Variants in FLT3 observed in about 807,000 individuals in gnomAD.
FLT3 encodes fms related receptor tyrosine kinase 3.
FLT3 carries 46 observed loss-of-function variants against 126.6 expected under a neutral mutation model. The observed-to-expected ratio is 0.36, with a 90% CI of 0.29 to 0.46. The LOEUF (loss-of-function observed/expected upper bound fraction) is 0.46, where lower values mean the gene tolerates loss of function less well. Among genes scored for constraint, FLT3 ranks in the 20% least tolerant of loss-of-function variants. The pLI, the probability that FLT3 is intolerant of heterozygous loss-of-function variation, is 1.00. For synonymous variants in FLT3, 404 were observed against 434.4 expected, an observed-to-expected ratio of 0.93 and a Z score of 0.87; for missense variants, 1,069 against 1,190.3, an observed-to-expected ratio of 0.90 and a Z score of 1.50.
intron 1 of FLT3, among the ~76,000 whole-genome samples, chr13:28,096,747 T>G (rs1879480629): frequency 1.3e-5 from 2 of 152,188 alleles, no homozygotes; most frequent in Admixed American, 6.5e-5. Flanking sequence ...CATGCAATTT[T>G]TAATGTATAT....
intron 10 of FLT3, among the ~76,000 whole-genome samples, chr13:28,036,486 C>G (rs556710317): frequency 6.6e-6 from 1 of 152,280 alleles, no homozygotes; most frequent in African/African-American, 2.4e-5. Context: ...TTCTTAGCTT[C>G]AGGAGAAGTT....
At chr13:28,071,270 A>T (rs1289475574) in intron 1 of FLT3, among the ~76,000 whole-genome samples, 1 of 151,326 alleles carries the variant, frequency 6.6e-6, no homozygotes, top group African/African-American at 2.4e-5. Context: ...TCTGCCTCCC[A>T]AAGTGCTGGG....
Position 28,004,114 on chromosome 13 carries a change from G to A in FLT3, c.2920C>T (p.Pro974Ser), listed in dbSNP as rs2137578219. Residue 974 changes from proline (P) to serine (S), a missense_variant, in exon 24 of 24, where the codon CCT (proline) becomes TCT (serine). Physicochemically the swap from Pro to Ser is moderately conservative, Grantham distance 74 (BLOSUM62 -1). Transcript: ENST00000241453. ...ECPHTYQNRR[P>S]FSREMDLGLL... ...CCCAAATCCATCTCTCTGCTGAAAG[G>A]TCGCCTGTTTTGGTAGGTGTGAGGA... is the stretch of plus-strand genomic sequence containing the variant. The A allele has an allele frequency of 2.5e-6, 4 of 1,614,086 alleles. No homozygotes were observed. Among genetic ancestry groups the A allele is most frequent in the Non-Finnish European group, 3.4e-6 (4 of 1,180,022 alleles).
At chr13:28,063,058 A>G (rs572870182) in intron 2 of FLT3, among the ~76,000 whole-genome samples, 49 of 86,524 alleles carry the variant, frequency 5.7e-4, no homozygotes, top group African/African-American at 1.6e-3. Context: ...TTGTTGGTAT[A>G]TAGATAAAAA....
chr13:28,014,254 G>A (rs1276264114), intron 23 of FLT3, among the ~76,000 whole-genome samples, 198 bp downstream of exon 23: 1 of 152,074 alleles, frequency 6.6e-6, no homozygotes, highest in Non-Finnish European at 1.5e-5. Flanking sequence ...CTGGGCCACA[G>A]AGCGAGACCC....
In FLT3 at chr13:28,061,944, G is replaced by A; in HGVS notation, c.291C>T (p.Ala97=). Residue 97 remains alanine (A), a synonymous_variant, in exon 3 of 24, where the codon GCC becomes GCT. Coordinates refer to ENST00000241453, the MANE Select transcript of FLT3 (RefSeq NM_004119.3). The part of the protein sequence containing the change: ...ASITLQVLVD[A]PGNISCLWVF... ...CCCAGAGACAGGAAATGTTCCCTGG[G>A]GCGTCGACCAGCACTTGCAGTGTGA... The A allele has an allele frequency of 6.2e-7, 1 of 1,613,898 alleles. No homozygotes were observed. The highest frequency in any genetic ancestry group is 8.5e-7 in the Non-Finnish European group (1 of 1,179,880).
intron 1 of FLT3, among the ~76,000 whole-genome samples, chr13:28,084,352 T>G (rs9507998): frequency 0.7 from 106,221 of 151,770 alleles, 39,452 homozygotes; most frequent in Non-Finnish European, 0.81. Flanking sequence ...TGTCCTGCAG[T>G]TATTAATTTT....
At chr13:28,084,167 T>A (rs1878503847) in intron 1 of FLT3, among the ~76,000 whole-genome samples, 1 of 151,950 alleles carries the variant, frequency 6.6e-6, no homozygotes, top group South Asian at 2.1e-4. Flanking sequence ...AATTTTTTTT[T>A]ATTTTTTGGG....
At chr13:28,026,070 G>A (rs1872771921) in intron 17 of FLT3, among the ~76,000 whole-genome samples, 1 of 152,142 alleles carries the variant, frequency 6.6e-6, no homozygotes, top group Admixed American at 6.5e-5. Flanking sequence ...CCAAGGCTCA[G>A]CCAGGTGCGG....
chr13:28,009,812 T>G (rs942497353), intron 23 of FLT3, among the ~76,000 whole-genome samples: 4 of 152,160 alleles, frequency 2.6e-5, no homozygotes, highest in African/African-American at 9.7e-5. Flanking sequence ...TGTTTGTGCC[T>G]CAGCCTCCCA....
Position 28,015,627 on chromosome 13 carries a change from C to T in FLT3, c.2616G>A (p.Trp872Ter). 1.2e-6 allele frequency: 2 copies of T among 1,613,054 alleles called. No homozygotes were observed. Among genetic ancestry groups the T allele is most frequent in the Non-Finnish European group, 1.7e-6 (2 of 1,179,370 alleles). The change falls in exon 21 of 24, where the codon TGG becomes TGA. Residue 872 changes from tryptophan to a stop codon, truncating the protein, a stop_gained. Transcript: ENST00000241453. LOFTEE classifies it high-confidence loss of function. Reference protein sequence around the residue: ...EGIYTIKSDVWSYGILLWEIF... With the variant: ...EGIYTIKSDV The stretch of plus-strand genomic sequence containing the variant: ...TTTCCCACAGTAATATTCCATATGA[C>T]CAGACATCACTCTTAATGGTGTAGA...
chr13:28,072,400 TC>T (rs1877599154), intron 1 of FLT3, among the ~76,000 whole-genome samples: 2 of 151,980 alleles, frequency 1.3e-5, no homozygotes, highest in Admixed American at 1.3e-4. Flanking sequence ...TCTCTCTCTC[TC>T]TTTTTTTTAA....
chr13:28,024,223 T>C (rs1387375242), intron 18 of FLT3, among the ~76,000 whole-genome samples: 4 of 151,406 alleles, frequency 2.6e-5, no homozygotes, highest in Admixed American at 6.6e-5. Context: ...CCTCTGCCTC[T>C]TGGGTTCAAG....
At chr13:28,017,324 G>C (rs987225799) in intron 20 of FLT3, among the ~76,000 whole-genome samples, 27 of 151,982 alleles carry the variant, frequency 1.8e-4, no homozygotes, top group African/African-American at 6.3e-4. Context: ...CTGGGCTCAA[G>C]TGATCCTCCC....
intron 9 of FLT3, among the ~76,000 whole-genome samples, chr13:28,043,235 G>A (rs1308062465): frequency 2.0e-5 from 3 of 151,776 alleles, no homozygotes; most frequent in Non-Finnish European, 2.9e-5. Context: ...GGTAGATTTG[G>A]AATTTGTAAT....
intron 15 of FLT3, among the ~76,000 whole-genome samples, chr13:28,032,428 G>T (rs1873425597): frequency 6.6e-6 from 1 of 152,112 alleles, no homozygotes. Context: ...TGGGCAACAT[G>T]GCGAAGCCCC....
rs1039975221 is a variant in FLT3, at chr13:28,018,647, A to G, written c.2419-58T>C. On this transcript the variant is annotated intron_variant, in intron 19 of 23. Transcript: ENST00000241453. ...GTGATGTGTATTATCCTGGAGTGCA[A>G]TCTTTCTTCTAGACTCAACTTCAGT... 2.4e-5 allele frequency: 38 copies of G among 1,584,380 alleles called. No individual in the cohort carries two copies. In the African/African-American group the frequency reaches 5.0e-4, roughly 21 times the overall value.
chr13:28,025,928 A>G (rs982694426), intron 17 of FLT3, among the ~76,000 whole-genome samples: 8 of 152,196 alleles, frequency 5.3e-5, no homozygotes, highest in Admixed American at 3.9e-4. Context: ...TAAAACTTAC[A>G]TTCTAAGAAA....
intron 9 of FLT3, among the ~76,000 whole-genome samples, chr13:28,041,249 T>C (rs1381047149): frequency 2.0e-5 from 3 of 151,958 alleles, no homozygotes; most frequent in East Asian, 1.9e-4. Context: ...AAGAAAGACG[T>C]GAGCTTCTAA....
Sources: allele counts gnomAD v4.1 joint callset (sites outside exome capture counted in the v4.1 genomes callset), GRCh38; gene constraint gnomAD v4.1.1; transcripts MANE v1.5; gene names NCBI Gene and HGNC (gene_info 2026-07-23, HGNC 2026-07-21).